The following SERINC1 variants were observed in gnomAD, a reference collection of about 807,000 sequenced individuals.
SERINC1 encodes serine incorporator 1, also known as tumor differentially expressed protein 2.
A neutral mutation model predicts 52.9 loss-of-function variants in SERINC1; 38 were observed. The observed-to-expected ratio is 0.72, with a 90% confidence interval of 0.55 to 0.94. The LOEUF is 0.94. Ranked by LOEUF, SERINC1 falls within the 40% of genes least tolerant of loss-of-function variation. SERINC1 has a pLI of 0.00. For synonymous variants in SERINC1, 198 were observed against 183.1 expected (o/e 1.08, Z -0.66); for missense variants, 471 against 533.9 (o/e 0.88, Z 1.16).
chr6:122,465,690 T>C (rs693669), intron 1 of SERINC1, among the ~76,000 whole-genome samples: 106,115 of 151,966 alleles, frequency 0.7, 37,205 homozygotes, highest in South Asian at 0.78. Context: ...CTCCTAAATA[T>C]GAACAAATAG....
At chr6:122,461,048 T>C (rs1046966863) in intron 1 of SERINC1, among the ~76,000 whole-genome samples, 6 of 152,068 alleles carry the variant, frequency 3.9e-5, no homozygotes, top group Non-Finnish European at 7.4e-5. Context: ...ATCAGAACAT[T>C]GTGAGACAAC....
Position 122,443,960 on chromosome 6 carries a change from GTTAC to G in SERINC1, c.*1080_*1083del, listed in dbSNP as rs939077991. 6.6e-6 allele frequency: 1 copy of G among 151,992 alleles called. No individual in the cohort carries two copies. Among genetic ancestry groups the G allele is most frequent in the African/African-American group, 2.4e-5 (1 of 41,400 alleles). 9.4% of individuals were successfully genotyped at this position (151,992 alleles called of 1,614,324 possible). A position where few individuals can be genotyped will look rare whatever the true frequency, so the allele number is the denominator to read the frequency against. On this transcript the variant is annotated 3_prime_UTR_variant, in exon 10 of 10. Coordinates refer to ENST00000339697, the MANE Select transcript of SERINC1 (RefSeq NM_020755.4). The stretch of plus-strand genomic sequence containing the variant: ...ACCTACTAAAGCCTAGTGTTTTGCA[GTTAC>G]TTCCTTCCCTGTCAAAATTTTGCCT...
chr6:122,458,891 A>G (rs550558959), intron 1 of SERINC1, among the ~76,000 whole-genome samples: 2 of 152,322 alleles, frequency 1.3e-5, no homozygotes, highest in African/African-American at 4.8e-5. Context: ...GACAAAAAAA[A>G]TCCTTGGACT....
At chr6:122,467,913 A>G (rs893786666) in intron 1 of SERINC1, among the ~76,000 whole-genome samples, 2 of 152,202 alleles carry the variant, frequency 1.3e-5, no homozygotes, top group African/African-American at 4.8e-5. Context: ...TTCCATAGTT[A>G]GAAGACAATG....
intron 5 of SERINC1, among the ~76,000 whole-genome samples, chr6:122,452,863 C>T (rs2114479339): frequency 6.6e-6 from 1 of 152,216 alleles, no homozygotes; most frequent in South Asian, 2.1e-4. Context: ...ACTTGAACCA[C>T]TGAGATAAAA....
Position 122,446,961 on chromosome 6 carries a change from T to C in SERINC1, c.1039A>G (p.Thr347Ala). The change falls in exon 9 of 10, where the codon ACA becomes GCA. Residue 347 changes from threonine (T) to alanine (A), a missense_variant. Thr to Ala is a moderately conservative substitution (Grantham distance 58). Transcript: ENST00000339697. Reference protein sequence around the residue: ...NNSQVNKLTLTSDESTLIEDG... With the variant: ...NNSQVNKLTLASDESTLIEDG... ...TCTATTAATGTAGATTCATCACTTG[T>C]TAGAGTCAGTTTATTAACCTGACTA... 6.2e-7 allele frequency: 1 copy of C among 1,613,364 alleles called. No individual in the cohort carries two copies.
chr6:122,458,602 A>C lies in SERINC1; in HGVS notation c.119T>G (p.Leu40Trp). The C allele has an allele frequency of 6.2e-7, 1 of 1,613,168 alleles. No individual in the cohort carries two copies. Among genetic ancestry groups the C allele is most frequent in the Non-Finnish European group, 8.5e-7 (1 of 1,179,166 alleles). The part of the protein sequence containing the change: ...PSGNNSTVTR[L>W]IYALFLLVGV... The stretch of plus-strand genomic sequence containing the variant: ...AACAAGCAAGAAAAGTGCATAGATC[A>C]ATCTAGTTACAGTGGAGTTGTTTCC... Residue 40 changes from leucine to tryptophan, a missense_variant, in exon 2 of 10, where the codon TTG becomes TGG. Leu to Trp is a moderately conservative substitution (Grantham distance 61, BLOSUM62 -2). Transcript: ENST00000339697.
At chr6:122,465,166 GAA>G (rs1775167065) in intron 1 of SERINC1, among the ~76,000 whole-genome samples, 1 of 152,112 alleles carries the variant, frequency 6.6e-6, no homozygotes, top group Non-Finnish European at 1.5e-5. Flanking sequence ...CCTTAACAGA[GAA>G]AGCTGAATTC....
chr6:122,471,608 C>A, intron 1 of SERINC1, 91 bp downstream of exon 1: 1 of 1,534,080 alleles, frequency 6.5e-7, no homozygotes, highest in Non-Finnish European at 9.0e-7. Context: ...TGGGGCACCA[C>A]ATTCCCGCCG....
intron 1 of SERINC1, among the ~76,000 whole-genome samples, chr6:122,469,536 CTGA>C (rs1775240116): frequency 6.6e-6 from 1 of 150,904 alleles, no homozygotes. Flanking sequence ...CCACATCCGG[CTGA>C]TTTTTGTTTT....
At chr6:122,448,376 T>C (rs184965836) in intron 7 of SERINC1, among the ~76,000 whole-genome samples, 139 of 152,280 alleles carry the variant, frequency 9.1e-4, no homozygotes, top group African/African-American at 2.8e-3. Flanking sequence ...AGTTATAAAG[T>C]ACCTATGATA....
At chr6:122,471,370 C>G (rs1775293435) in intron 1 of SERINC1, among the ~76,000 whole-genome samples, 1 of 150,770 alleles carries the variant, frequency 6.6e-6, no homozygotes, top group Non-Finnish European at 1.5e-5. Context: ...CAGATACAAA[C>G]AAAACCACGA....
chr6:122,456,197 A>C (rs1774990051), intron 3 of SERINC1, among the ~76,000 whole-genome samples: 1 of 152,280 alleles, frequency 6.6e-6, no homozygotes, highest in Non-Finnish European at 1.5e-5. Flanking sequence ...TTAACAGTAG[A>C]AGGAGAAATA....
At chr6:122,446,048 G>A (rs520046) in intron 9 of SERINC1, among the ~76,000 whole-genome samples, 106,469 of 151,612 alleles carry the variant, frequency 0.7, 37,498 homozygotes, top group South Asian at 0.78. Context: ...CTGATACTGA[G>A]AGCCGCCTTA....
intron 1 of SERINC1, among the ~76,000 whole-genome samples, chr6:122,459,694 A>G (rs868445651): frequency 3.3e-5 from 5 of 152,212 alleles, no homozygotes; most frequent in African/African-American, 1.2e-4. Context: ...GAAATCCCCT[A>G]CCAGTATTTC....
chr6:122,462,816 G>C (rs1420112762), intron 1 of SERINC1, among the ~76,000 whole-genome samples: 2 of 152,086 alleles, frequency 1.3e-5, no homozygotes, highest in African/African-American at 4.8e-5. Context: ...ACAAAACATT[G>C]GTGAAAGAAA....
intron 1 of SERINC1, among the ~76,000 whole-genome samples, chr6:122,469,973 C>T (rs956414125): frequency 6.6e-6 from 1 of 152,152 alleles, no homozygotes; most frequent in African/African-American, 2.4e-5. Context: ...GACTATTGGC[C>T]TGCAGTAAAA....
rs1316279474 is a variant in SERINC1, at chr6:122,447,132, T to C, written c.984A>G (p.Val328=). The change falls in exon 8 of 10, where the codon GTA becomes GTG. Residue 328 remains valine (V), a synonymous_variant. Transcript: ENST00000339697. The stretch of plus-strand genomic sequence containing the variant: ...ATAGTTTTTCCTACCTGGAATAAAA[T>C]ACACACAACAAAAAGAGAATTAGTC... ...IIGLILFLLC[V]FYSSIRTSNN... 1.9e-6 allele frequency: 3 copies of C among 1,612,358 alleles called. No individual in the cohort carries two copies. The highest frequency in any genetic ancestry group is 4.5e-5 in the East Asian group (2 of 44,864).
intron 1 of SERINC1, 106 bp from the exon 2 acceptor site, chr6:122,458,787 G>C: frequency 2.5e-6 from 2 of 809,246 alleles, no homozygotes; most frequent in South Asian, 2.1e-5. Context: ...AAAGAAAAAA[G>C]ACTAAAAGTA....
Sources: allele counts gnomAD v4.1 joint callset (sites outside exome capture counted in the v4.1 genomes callset), GRCh38; gene constraint gnomAD v4.1.1; transcripts MANE v1.5; gene names NCBI Gene and HGNC (gene_info 2026-07-23, HGNC 2026-07-21).